Variants in LMX1A observed in about 807,000 individuals in gnomAD.
The protein encoded by LMX1A is LIM homeobox transcription factor 1 alpha.
A neutral mutation model predicts 49.1 loss-of-function variants in LMX1A; 15 were observed. The observed-to-expected ratio is 0.31, with a 90% CI of 0.20 to 0.47. The LOEUF is 0.47. Among genes scored for constraint, LMX1A ranks in the 20% least tolerant of loss-of-function variants. The pLI is 1.00. For missense variants in LMX1A, 372 were observed against 475.8 expected (o/e 0.78, Z 2.03); for synonymous variants, 167 against 185.7 (o/e 0.90, Z 0.82).
At chr1:165,249,698 G>T in intron 3 of LMX1A, 58 bp from the exon 4 acceptor site, 1 of 1,351,098 alleles carries the variant, frequency 7.4e-7, no homozygotes. Flanking sequence ...CTTGGTCCTG[G>T]GTCTCCCCTG....
intron 3 of LMX1A, among the ~76,000 whole-genome samples, chr1:165,298,704 C>A (rs1274872949): frequency 6.6e-6 from 1 of 152,206 alleles, no homozygotes; most frequent in Non-Finnish European, 1.5e-5. Flanking sequence ...TAAAAGGAGC[C>A]TCCAAGGCCT....
intron 3 of LMX1A, among the ~76,000 whole-genome samples, chr1:165,339,302 C>T (rs112174893): frequency 9.9e-5 from 15 of 152,190 alleles, no homozygotes; most frequent in African/African-American, 3.6e-4. Flanking sequence ...AACTCCCTTG[C>T]TTTGAGAGTC....
intron 4 of LMX1A, among the ~76,000 whole-genome samples, chr1:165,226,885 C>A (rs1345457258): frequency 6.6e-6 from 1 of 152,180 alleles, no homozygotes; most frequent in South Asian, 2.1e-4. Flanking sequence ...TTCATCTAAA[C>A]ATATTTGTTG....
At chr1:165,262,818 T>C (rs1194858914) in intron 3 of LMX1A, among the ~76,000 whole-genome samples, 1 of 151,624 alleles carries the variant, frequency 6.6e-6, no homozygotes, top group Admixed American at 6.5e-5. Flanking sequence ...ATGGCCTTTG[T>C]AGAAAAAAAA....
At chr1:165,346,376 A>C (rs1285563871) in intron 3 of LMX1A, among the ~76,000 whole-genome samples, 1 of 152,264 alleles carries the variant, frequency 6.6e-6, no homozygotes, top group African/African-American at 2.4e-5. Flanking sequence ...CTTCAGTTAG[A>C]GGACTAGGAA....
At chr1:165,313,100 G>A (rs1655121687) in intron 3 of LMX1A, among the ~76,000 whole-genome samples, 1 of 152,126 alleles carries the variant, frequency 6.6e-6, no homozygotes, top group Non-Finnish European at 1.5e-5. Context: ...CTCAACTTAT[G>A]CCAATTGGAA....
At chr1:165,212,682 C>T (rs557705457) in intron 5 of LMX1A, among the ~76,000 whole-genome samples, 1 of 152,166 alleles carries the variant, frequency 6.6e-6, no homozygotes, top group African/African-American at 2.4e-5. Flanking sequence ...GACAGGCAGT[C>T]GATAAACAAT....
chr1:165,298,509 G>A (rs1654686784), intron 3 of LMX1A, among the ~76,000 whole-genome samples: 1 of 152,208 alleles, frequency 6.6e-6, no homozygotes, highest in Non-Finnish European at 1.5e-5. Flanking sequence ...ACCGGGGGCT[G>A]AAAGGGCTGG....
At chr1:165,340,277 G>A (rs937002400) in intron 3 of LMX1A, among the ~76,000 whole-genome samples, 1 of 151,756 alleles carries the variant, frequency 6.6e-6, no homozygotes, top group Non-Finnish European at 1.5e-5. Context: ...TAATGTTTTT[G>A]TTTTTATTTT....
At chr1:165,247,054 C>CTTGTTTTTTTTT (rs1652875442) in intron 4 of LMX1A, among the ~76,000 whole-genome samples, 1 of 53,228 alleles carries the variant, frequency 1.9e-5, no homozygotes, top group African/African-American at 7.2e-5. Context: ...TCAGCTTTTT[C>CTTGTTTTTTTTT]TTTTTTTTTT....
At chr1:165,226,648 T>C (rs1297267600) in intron 4 of LMX1A, among the ~76,000 whole-genome samples, 2 of 152,222 alleles carry the variant, frequency 1.3e-5, no homozygotes, top group African/African-American at 4.8e-5. Flanking sequence ...AAAGAGGTGC[T>C]GAGCTTAACC....
intron 4 of LMX1A, among the ~76,000 whole-genome samples, chr1:165,231,558 G>A (rs1195866783): frequency 1.3e-5 from 2 of 152,156 alleles, no homozygotes; most frequent in South Asian, 2.1e-4. Context: ...AGCTGGAATT[G>A]CAGATGTGAG....
At chr1:165,208,218 C>G in intron 6 of LMX1A, 86 bp from the exon 7 acceptor site, 2 of 1,239,810 alleles carry the variant, frequency 1.6e-6, no homozygotes. Flanking sequence ...GTGACACCTT[C>G]CCCGGGAGAG....
chr1:165,246,586 T>C (rs1652855720), intron 4 of LMX1A, among the ~76,000 whole-genome samples: 2 of 152,222 alleles, frequency 1.3e-5, no homozygotes, highest in South Asian at 4.1e-4. Flanking sequence ...CAAAAATTAC[T>C]TCCCTGTACC....
intron 8 of LMX1A, among the ~76,000 whole-genome samples, chr1:165,204,626 C>A (rs1192113073): frequency 6.6e-6 from 1 of 152,190 alleles, no homozygotes; most frequent in Admixed American, 6.5e-5. Flanking sequence ...CAACCAGGAT[C>A]TGGAGGCAAA....
At chr1:165,248,692 T>C (rs534795608) in intron 4 of LMX1A, among the ~76,000 whole-genome samples, 2 of 152,164 alleles carry the variant, frequency 1.3e-5, no homozygotes, top group Non-Finnish European at 2.9e-5. Flanking sequence ...CTTAGATAGA[T>C]TCCATCTTTC....
At chr1:165,313,798 A>G (rs1377769047) in intron 3 of LMX1A, among the ~76,000 whole-genome samples, 1 of 152,224 alleles carries the variant, frequency 6.6e-6, no homozygotes, top group Non-Finnish European at 1.5e-5. Context: ...AGCCAGTCTC[A>G]TAGGAGCATA....
At chr1:165,298,577 G>C (rs1654689655) in intron 3 of LMX1A, among the ~76,000 whole-genome samples, 1 of 152,206 alleles carries the variant, frequency 6.6e-6, no homozygotes, top group Admixed American at 6.5e-5. Flanking sequence ...CCAGGGCCAA[G>C]GCAGCTGGCC....
chr1:165,213,587 G>A (rs1315076147), intron 5 of LMX1A, 54 bp downstream of exon 5: 8 of 1,521,178 alleles, frequency 5.3e-6, no homozygotes, highest in East Asian at 2.3e-5. Context: ...AGGGGTCTGA[G>A]TGCACACAGA....
Sources: gnomAD v4.1 joint callset for allele counts (sites outside exome capture counted in the v4.1 genomes callset) on GRCh38, gnomAD v4.1.1 for gene constraint, MANE v1.5 for transcripts, NCBI Gene and HGNC (gene_info 2026-07-23, HGNC 2026-07-21) for gene names.